GYPE: variants seen among roughly 807,000 people sequenced by gnomAD.
GYPE encodes glycophorin E (MNS blood group), also known as glycophorin-E.
In GYPE, 8 loss-of-function variants were observed where a neutral mutation model predicts 11.6. The observed-to-expected ratio is 0.69, with a 90% CI of 0.41 to 1.25. The LOEUF is 1.25. Ranked by LOEUF, GYPE falls within the 50% of genes most tolerant of loss-of-function variation. The pLI is 0.01. For synonymous variants in GYPE, 28 were observed against 29.6 expected, an observed-to-expected ratio of 0.94 and a Z score of 0.18; for missense variants, 90 against 92.8, an observed-to-expected ratio of 0.97 and a Z score of 0.12.
Position 143,876,793 on chromosome 4 carries a change from C to T in GYPE, c.199G>A (p.Val67Ile). ...RVIFEVMLVV[V>I]GMIILISYCI... Reference sequence around the variant, plus strand: ...TAAGAAATTAAGATGATCATTCCAACAACAACAAGCATCACCTCAAAAATA... The same window carrying T: ...TAAGAAATTAAGATGATCATTCCAATAACAACAAGCATCACCTCAAAAATA... The change falls in exon 3 of 4, where the codon GTT (valine) becomes ATT (isoleucine). Residue 67 changes from valine to isoleucine, a missense_variant. Coordinates refer to ENST00000358615, the MANE Select transcript of GYPE (RefSeq NM_198682.3). 6.2e-7 allele frequency: 1 copy of T among 1,609,974 alleles called. No homozygotes were observed. The highest frequency in any genetic ancestry group is 8.5e-7 in the Non-Finnish European group (1 of 1,176,908).
At chr4:143,877,614 GC>G (rs1247525857) in intron 2 of GYPE, among the ~76,000 whole-genome samples, 1 of 152,152 alleles carries the variant, frequency 6.6e-6, no homozygotes, top group Non-Finnish European at 1.5e-5. Context: ...TCATTTATTT[GC>G]CTAATTAATA....
chr4:143,883,095 G>T (rs7691139), intron 1 of GYPE, among the ~76,000 whole-genome samples: 147,830 of 152,114 alleles, frequency 0.97, 71,997 homozygotes, highest in East Asian at 1. Flanking sequence ...GGTTTCTCAT[G>T]GCTTAACATC....
At chr4:143,893,128 T>G (rs200126006) in intron 1 of GYPE, among the ~76,000 whole-genome samples, 10,947 of 18,482 alleles carry the variant, frequency 0.59, 4,508 homozygotes, top group East Asian at 1. Flanking sequence ...GACTAGGATT[T>G]CAACCCCTGC....
intron 1 of GYPE, among the ~76,000 whole-genome samples, chr4:143,899,672 T>A (rs1255138475): frequency 1.3e-5 from 2 of 148,704 alleles, no homozygotes. Flanking sequence ...CATATATCCA[T>A]GGCCAATTAA....
intron 1 of GYPE, among the ~76,000 whole-genome samples, chr4:143,903,380 G>A (rs750360805): frequency 7.9e-5 from 12 of 151,732 alleles, no homozygotes; most frequent in Non-Finnish European, 1.5e-4. Flanking sequence ...AATGAGTGCA[G>A]GAATTCAGGG....
intron 1 of GYPE, among the ~76,000 whole-genome samples, chr4:143,895,984 T>C (rs1490046028): frequency 1.3e-5 from 2 of 152,086 alleles, no homozygotes; most frequent in Admixed American, 6.6e-5. Flanking sequence ...ATCCCTTCCT[T>C]ACACTTTATA....
chr4:143,901,283 G>A (rs1241816757), intron 1 of GYPE, among the ~76,000 whole-genome samples: 6 of 152,078 alleles, frequency 3.9e-5, no homozygotes, highest in Admixed American at 3.9e-4. Flanking sequence ...CATAGTCTAT[G>A]ACCAACGTAC....
At chr4:143,902,002 G>C (rs763907326) in intron 1 of GYPE, among the ~76,000 whole-genome samples, 7 of 152,020 alleles carry the variant, frequency 4.6e-5, no homozygotes, top group Non-Finnish European at 1.0e-4. Flanking sequence ...GCTGAATTTT[G>C]GGGATTCATT....
chr4:143,883,321 T>C (rs1407660753), intron 1 of GYPE, among the ~76,000 whole-genome samples: 1 of 152,052 alleles, frequency 6.6e-6, no homozygotes, highest in East Asian at 1.9e-4. Flanking sequence ...AGAAGCACTA[T>C]GCTTCTTGTA....
rs2590008 is a variant in GYPE, at chr4:143,889,225, C to G, written c.38-8716G>C. On this transcript the variant is annotated intron_variant, in intron 1 of 3. Coordinates refer to ENST00000358615, the MANE Select transcript of GYPE (RefSeq NM_198682.3). ...TCAGGAAGCCTGAACTTTTTAGCCT[C>G]GCTCTGTACTATCCAGCTTCTGGTC... Among the ~76,000 whole-genome samples, 1,021 of 150,818 alleles carry G rather than the reference C, an allele frequency of 6.8e-3. 9 individuals are homozygous for G. The highest frequency in any genetic ancestry group is 0.021 in the African/African-American group (848 of 40,348).
At chr4:143,891,843 G>A (rs1419897950) in intron 1 of GYPE, among the ~76,000 whole-genome samples, 1 of 152,018 alleles carries the variant, frequency 6.6e-6, no homozygotes, top group African/African-American at 2.4e-5. Context: ...CTCTAGTAAT[G>A]GGCTATGAAA....
intron 3 of GYPE, chr4:143,875,314 A>C: frequency 1.4e-6 from 1 of 712,850 alleles, no homozygotes; most frequent in Non-Finnish European, 2.3e-6. Flanking sequence ...CTACATGCAA[A>C]TAATTTGTAT....
chr4:143,899,562 A>G (rs1744784115), intron 1 of GYPE, among the ~76,000 whole-genome samples: 1 of 152,158 alleles, frequency 6.6e-6, no homozygotes, highest in African/African-American at 2.4e-5. Flanking sequence ...CACTTCATGA[A>G]TTCAAAACTT....
chr4:143,904,545 T>C (rs192956595), intron 1 of GYPE, among the ~76,000 whole-genome samples: 1 of 152,234 alleles, frequency 6.6e-6, no homozygotes, highest in East Asian at 1.9e-4. Flanking sequence ...TCCCCTAGGG[T>C]ATCTTAGAAA....
chr4:143,881,018 T>A (rs1019960515), intron 1 of GYPE, among the ~76,000 whole-genome samples: 11 of 152,182 alleles, frequency 7.2e-5, no homozygotes, highest in African/African-American at 2.7e-4. Flanking sequence ...ACAAAACTTC[T>A]GTCCCATATC....
At chr4:143,903,114 AAC>A (rs1302590680) in intron 1 of GYPE, among the ~76,000 whole-genome samples, 1 of 152,012 alleles carries the variant, frequency 6.6e-6, no homozygotes, top group African/African-American at 2.4e-5. Context: ...CTCAGAAAAT[AAC>A]TCCCTGCTAC....
In GYPE at chr4:143,901,093, T is replaced by C. The variant is rs181100601; in HGVS notation, c.37+4378A>G. Reference sequence around the variant, plus strand: ...GTTTTTATTATTCAGAACCTGCCTATGTACGGAACCTAACCTGCTGTATAT... The same window carrying C: ...GTTTTTATTATTCAGAACCTGCCTACGTACGGAACCTAACCTGCTGTATAT... On this transcript the variant is annotated intron_variant, in intron 1 of 3. Transcript: ENST00000358615. Among the ~76,000 whole-genome samples, 147 of 152,340 alleles carry C rather than the reference T, an allele frequency of 9.6e-4. 3 individuals are homozygous for C. In the East Asian group the frequency reaches 0.026, roughly 27 times the overall value.
intron 1 of GYPE, among the ~76,000 whole-genome samples, chr4:143,897,931 CAT>C (rs1486589019): frequency 2.0e-5 from 3 of 152,098 alleles, no homozygotes; most frequent in Non-Finnish European, 4.4e-5. Flanking sequence ...GCAAATAAAA[CAT>C]AGTATATATA....
chr4:143,876,897 A>T (rs763791899), intron 2 of GYPE, 42 bp from the exon 3 acceptor site: 1 of 1,079,770 alleles, frequency 9.3e-7, no homozygotes, highest in South Asian at 1.3e-5. Flanking sequence ...GAAAGTCTGA[A>T]ATAAATGACC....
Sources: allele counts gnomAD v4.1 joint callset (sites outside exome capture counted in the v4.1 genomes callset), GRCh38; gene constraint gnomAD v4.1.1; transcripts MANE v1.5; gene names NCBI Gene and HGNC (gene_info 2026-07-23, HGNC 2026-07-21).